The following FRAS1 variants were observed in gnomAD, a reference collection of about 807,000 sequenced individuals.
FRAS1 encodes extracellular matrix organizing protein FRAS1.
FRAS1 carries 290 observed loss-of-function variants against 435.2 expected under a neutral mutation model. The observed-to-expected ratio is 0.67, with a 90% CI of 0.61 to 0.73. FRAS1 has a LOEUF of 0.73. Among genes scored for constraint, FRAS1 ranks in the 30% least tolerant of loss-of-function variants. FRAS1 has a pLI of 0.00. For missense variants in FRAS1, 4,860 were observed against 5,001.5 expected (o/e 0.97, Z 0.85); for synonymous variants, 1,800 against 1,851.0 (o/e 0.97, Z 0.71).
chr4:78,260,147 G>C lies in FRAS1; in HGVS notation c.603+4772G>C, dbSNP rs1474313080. Among the ~76,000 whole-genome samples the C allele has an allele frequency of 2.6e-5, 4 of 152,004 alleles. No homozygotes were observed. The East Asian group carries it at 7.7e-4, about 29-fold the overall frequency. On this transcript the variant is annotated intron_variant, in intron 6 of 73. Transcript: ENST00000512123. The stretch of plus-strand genomic sequence containing the variant: ...GAAGTCAGGTAGTGTGATGCCTCCA[G>C]CTTTATTCTTTTGGCTTAGGATTGA...
Position 78,397,394 on chromosome 4 carries a change from C to T in FRAS1, c.3976-3340C>T, listed in dbSNP as rs77175218. ...TAGTTCCCTGAAGTAATCAAGGTTG[C>T]GTGCCTTCTACCCAATTCAGCAGAG... is the stretch of plus-strand genomic sequence containing the variant. On this transcript the variant is annotated intron_variant, in intron 29 of 73. Coordinates refer to ENST00000512123, the MANE Select transcript of FRAS1 (RefSeq NM_025074.7). 2.0e-3 allele frequency among the ~76,000 whole-genome samples: 309 copies of T among 152,304 alleles called. 1 individual carries two copies. The highest frequency in any genetic ancestry group is 3.7e-3 in the Non-Finnish European group (249 of 68,034).
At chr4:78,421,742 ACAGT>A in intron 33 of FRAS1, 117 bp from the exon 34 acceptor site, 1 of 1,134,784 alleles carries the variant, frequency 8.8e-7, no homozygotes, top group Non-Finnish European at 1.3e-6. Context: ...CAACCTGAGA[ACAGT>A]CAGTTTCCGA....
At chr4:78,342,891 T>G (rs1730449232) in intron 20 of FRAS1, among the ~76,000 whole-genome samples, 1 of 152,190 alleles carries the variant, frequency 6.6e-6, no homozygotes, top group African/African-American at 2.4e-5. Flanking sequence ...GATTAAAAAT[T>G]TGTTATTGTT....
chr4:78,184,887 T>G (rs1245607903), intron 2 of FRAS1, among the ~76,000 whole-genome samples: 1 of 152,218 alleles, frequency 6.6e-6, no homozygotes, highest in Non-Finnish European at 1.5e-5. Flanking sequence ...ACTAAATAAC[T>G]GGGAAAAAGT....
intron 20 of FRAS1, among the ~76,000 whole-genome samples, chr4:78,356,999 C>CAA (rs1463462304): frequency 2.0e-5 from 3 of 152,122 alleles, no homozygotes; most frequent in Non-Finnish European, 2.9e-5. Context: ...TACCGAGAGG[C>CAA]TCTTTTGTGT....
chr4:78,239,261 CA>C (rs1346189268), intron 3 of FRAS1, among the ~76,000 whole-genome samples: 2 of 151,944 alleles, frequency 1.3e-5, no homozygotes, highest in African/African-American at 4.8e-5. Flanking sequence ...TGCTTTGGCC[CA>C]AAAACTTAAC....
intron 4 of FRAS1, among the ~76,000 whole-genome samples, chr4:78,251,939 C>T (rs1199098091): frequency 6.9e-6 from 1 of 144,064 alleles, no homozygotes; most frequent in South Asian, 2.2e-4. Flanking sequence ...GAGAGAGAGA[C>T]AGAAAGGGGG....
rs1269281089 is a variant in FRAS1, at chr4:78,105,910, G to A, written c.108+39894G>A. ...GTGCGCGCACCGTGCGCGAGCCGAAGCAGGGCAAGGCATTGCCCCACTTGG... is the reference window on the plus strand; with the variant it reads ...GTGCGCGCACCGTGCGCGAGCCGAAACAGGGCAAGGCATTGCCCCACTTGG... On this transcript the variant is annotated intron_variant, in intron 2 of 73. Transcript: ENST00000512123. Among the ~76,000 whole-genome samples, 14 of 136,390 alleles carry A rather than the reference G, an allele frequency of 1.0e-4. 1 individual carries two copies. Among genetic ancestry groups the A allele is most frequent in the Non-Finnish European group, 2.1e-4 (13 of 63,050 alleles). 89.5% of individuals were successfully genotyped at this position (136,390 alleles called of 152,430 possible). A position where few individuals can be genotyped will look rare whatever the true frequency, so the allele number is the denominator to read the frequency against.
chr4:78,112,412 T>C (rs539290820), intron 2 of FRAS1, among the ~76,000 whole-genome samples: 1 of 152,238 alleles, frequency 6.6e-6, no homozygotes, highest in South Asian at 2.1e-4. Context: ...TTTATTATTA[T>C]TTTTTATCTT....
chr4:78,071,435 AGTCCAGGGTCTTG>A (rs1473558268), intron 2 of FRAS1: 4 of 152,222 alleles, frequency 2.6e-5, no homozygotes, highest in Admixed American at 2.6e-4. Flanking sequence ...TGAGTTATAG[AGTCCAGGGTCTTG>A]GTTCAGGTTC....
rs1732848802 is a variant in FRAS1, at chr4:78,400,685, A to G, written c.3976-49A>G. On this transcript the variant is annotated intron_variant, in intron 29 of 73. Transcript: ENST00000512123. ...ATAACTTATGTGTTTAAGGATTGATATATTCTTACTTTGCTTGGAACTAAT... is the reference window on the plus strand; with the variant it reads ...ATAACTTATGTGTTTAAGGATTGATGTATTCTTACTTTGCTTGGAACTAAT... The G allele has an allele frequency of 1.3e-6, 2 of 1,568,884 alleles. 1 individual carries two copies. The highest frequency in any genetic ancestry group is 3.7e-5 in the Admixed American group (2 of 53,834).
chr4:78,421,937 G>A lies in FRAS1; in HGVS notation c.4615G>A (p.Val1539Ile). The A allele has an allele frequency of 1.2e-6, 2 of 1,613,820 alleles. No individual in the cohort carries two copies. The highest frequency in any genetic ancestry group is 2.2e-5 in the East Asian group (1 of 44,860). Residue 1539 changes from valine (V) to isoleucine (I), a missense_variant, in exon 34 of 74, where the codon GTC becomes ATC. By Grantham distance (29) the Val-to-Ile change is conservative (BLOSUM62 3). Coordinates refer to ENST00000512123, the MANE Select transcript of FRAS1 (RefSeq NM_025074.7). ...GCAAGAGGATATTAACCAGGGCAAA[G>A]TCATGTACCGCCCTCCCCCGGCAGC... ...FTQEDINQGK[V>I]MYRPPPAAPH... is the part of the protein sequence containing the mutation.
chr4:78,522,903 AC>A, intron 69 of FRAS1, 95 bp downstream of exon 69: 1 of 1,130,338 alleles, frequency 8.8e-7, no homozygotes, highest in Non-Finnish European at 1.2e-6. Context: ...TGAAGGCTAG[AC>A]TTTTATTTTA....
intron 29 of FRAS1, among the ~76,000 whole-genome samples, chr4:78,394,294 A>T (rs981745127): frequency 6.6e-6 from 1 of 151,976 alleles, no homozygotes; most frequent in East Asian, 1.9e-4. Context: ...GCCAAGACCT[A>T]TATCAAGGAG....
At chr4:78,466,673 A>G (rs1187424246) in intron 50 of FRAS1, among the ~76,000 whole-genome samples, 2 of 152,216 alleles carry the variant, frequency 1.3e-5, no homozygotes, top group African/African-American at 4.8e-5. Context: ...AGTGCTTAAC[A>G]CCATTGACAA....
chr4:78,203,490 T>G (rs922539046), intron 2 of FRAS1, among the ~76,000 whole-genome samples: 10 of 152,244 alleles, frequency 6.6e-5, no homozygotes, highest in Admixed American at 2.0e-4. Context: ...ACACTCGTTC[T>G]CAATTGAGGT....
chr4:78,067,959 T>A (rs7659437), intron 2 of FRAS1, among the ~76,000 whole-genome samples: 37,071 of 150,892 alleles, frequency 0.25, 4,939 homozygotes, highest in East Asian at 0.35. Context: ...ATTACAGGCA[T>A]AAGCCACTGA....
At chr4:78,085,201 C>T (rs1431811232) in intron 2 of FRAS1, among the ~76,000 whole-genome samples, 1 of 152,006 alleles carries the variant, frequency 6.6e-6, no homozygotes, top group South Asian at 2.1e-4. Context: ...ATTCTGTTGT[C>T]AGACTTTTGG....
chr4:78,333,450 C>T (rs370733109), intron 19 of FRAS1, 38 bp downstream of exon 19: 9 of 1,590,738 alleles, frequency 5.7e-6, no homozygotes, highest in Non-Finnish European at 7.7e-6. Context: ...TGCCTATGAC[C>T]ATGTTTTGTC....
Sources: gnomAD v4.1 joint callset for allele counts (sites outside exome capture counted in the v4.1 genomes callset) on GRCh38, gnomAD v4.1.1 for gene constraint, MANE v1.5 for transcripts, NCBI Gene and HGNC (gene_info 2026-07-23, HGNC 2026-07-21) for gene names.